The following LRRC45 variants were observed in gnomAD, a reference collection of about 807,000 sequenced individuals.
The protein encoded by LRRC45 is leucine-rich repeat-containing protein 45.
A neutral mutation model predicts 85.4 loss-of-function variants in LRRC45; 73 were observed. The observed-to-expected ratio is 0.85, with a 90% CI of 0.71 to 1.04. LRRC45 has a LOEUF of 1.04. Ranked by LOEUF, LRRC45 falls within the 50% of genes least tolerant of loss-of-function variation. LRRC45 has a pLI of 0.00. For missense variants in LRRC45, 937 were observed against 883.3 expected, an observed-to-expected ratio of 1.06 and a Z score of -0.77; for synonymous variants, 429 against 386.0, an observed-to-expected ratio of 1.11 and a Z score of -1.31.
At position 82,029,416 on chromosome 17, in the gene LRRC45, A is replaced by C. The variant is rs2043397310; in HGVS notation, c.1402-127A>C. ...TGCCCAGCGAGCTAGGTGGCAGAGC[A>C]GCTGCGTGGCCCTCAGGAGGCTGGC... On this transcript the variant is annotated intron_variant, in intron 13 of 16. Transcript: ENST00000306688. 17 of 1,104,802 alleles carry C rather than the reference A, an allele frequency of 1.5e-5. No individual in the cohort carries two copies. The South Asian group carries it at 2.1e-4, about 14-fold the overall frequency. 68.4% of individuals were successfully genotyped at this position (1,104,802 alleles called of 1,614,324 possible).
At chr17:82,029,773 T>C in intron 14 of LRRC45, 138 bp downstream of exon 14, 1 of 881,696 alleles carries the variant, frequency 1.1e-6, no homozygotes, top group East Asian at 2.7e-5. Context: ...CCCTGGACAC[T>C]GGTGGGTCCG....
rs1379055008 is a variant in LRRC45 at position 82,031,045 on chromosome 17, G to A, written c.*240G>A. 2 of 391,490 alleles carry A rather than the reference G, an allele frequency of 5.1e-6. No homozygotes were observed. The highest frequency in any genetic ancestry group is 9.0e-6 in the Non-Finnish European group (2 of 221,932). The allele number at this position is 391,490 out of a possible 1,614,324, so 24.3% of individuals were successfully genotyped here. ...CCACGTGGGAGCACACCGGGAAGGG[G>A]TCCCGCGGGCGCGTCTCCCCCTCGC... On this transcript the variant is annotated 3_prime_UTR_variant, in exon 17 of 17. Transcript: ENST00000306688.
At chr17:82,024,222 G>A in intron 1 of LRRC45, 56 bp from the exon 2 acceptor site, 1 of 1,587,732 alleles carries the variant, frequency 6.3e-7, no homozygotes, top group South Asian at 1.1e-5. Context: ...GGGGCCCACG[G>A]GGAGGGCCTT....
Position 82,030,093 on chromosome 17 carries a change from A to G in LRRC45, c.1523A>G (p.Lys508Arg), listed in dbSNP as rs1052916271. The G allele has an allele frequency of 1.3e-6, 2 of 1,546,652 alleles. No individual in the cohort carries two copies. Among genetic ancestry groups the G allele is most frequent in the African/African-American group, 1.4e-5 (1 of 73,198 alleles). The change falls in exon 15 of 17, where the codon AAG (lysine) becomes AGG (arginine). Residue 508 changes from lysine (K) to arginine (R), a missense_variant. Physicochemically the swap from Lys to Arg is conservative, Grantham distance 26. Transcript: ENST00000306688. ...CAGCGCCTGGCTCACCTGGAGGACAAGCTGAGACTGCTGGCGCAGGCACGG... is the reference window on the plus strand; with the variant it reads ...CAGCGCCTGGCTCACCTGGAGGACAGGCTGAGACTGCTGGCGCAGGCACGG... ...EQQRLAHLED[K>R]LRLLAQARDE...
Position 82,024,295 on chromosome 17 carries a change from C to T in LRRC45, c.238C>T (p.Arg80Ter), listed in dbSNP as rs1193994277. Residue 80 changes from arginine (R) to a stop codon, truncating the protein, a stop_gained, in exon 2 of 17, where the codon CGA becomes TGA. Transcript: ENST00000306688. LOFTEE classifies it high-confidence loss of function. ...TTACACAGGGGCCACACTGCTGCTC[C>T]GAGGCCTGTGTGCCAACACCGTGCT... ...LSEEGATLLL[R>*]GLCANTVLRF... The T allele has an allele frequency of 1.9e-6, 3 of 1,612,218 alleles. No homozygotes were observed. Among genetic ancestry groups the T allele is most frequent in the African/African-American group, 1.3e-5 (1 of 74,912 alleles).
intron 14 of LRRC45, 81 bp from the exon 15 acceptor site, chr17:82,029,984 G>A: frequency 2.1e-6 from 3 of 1,424,970 alleles, no homozygotes; most frequent in Non-Finnish European, 2.8e-6. Context: ...GCAGAGAGGT[G>A]GGGTCGTGCC....
At chr17:82,023,894 G>T (rs2043339618) in intron 1 of LRRC45, 31 bp downstream of exon 1, 5 of 1,531,142 alleles carry the variant, frequency 3.3e-6, no homozygotes, top group Non-Finnish European at 2.6e-6. Flanking sequence ...GGATCCCTCT[G>T]CTCCTTAGCT....
chr17:82,023,431 C>T lies in LRRC45; in HGVS notation c.-213C>T, dbSNP rs2043331097. 1 of 545,784 alleles carries T rather than the reference C, an allele frequency of 1.8e-6. No individual in the cohort carries two copies. Among genetic ancestry groups the T allele is most frequent in the African/African-American group, 2.0e-5 (1 of 49,626 alleles). 33.8% of individuals were successfully genotyped at this position (545,784 alleles called of 1,614,324 possible). A position where few individuals can be genotyped will look rare whatever the true frequency, so the allele number is the denominator to read the frequency against. On this transcript the variant is annotated 5_prime_UTR_variant, in exon 1 of 17. Coordinates refer to ENST00000306688, the MANE Select transcript of LRRC45 (RefSeq NM_144999.4). ...GCTTCCTGCACGGGTGGTCCCCAAGCACTGCGGGGCCCCAGCCCAAAGCGG... is the reference window on the plus strand; with the variant it reads ...GCTTCCTGCACGGGTGGTCCCCAAGTACTGCGGGGCCCCAGCCCAAAGCGG...
At chr17:82,027,049 T>C (rs1172721314) in intron 6 of LRRC45, 38 bp downstream of exon 6, 3 of 1,514,320 alleles carry the variant, frequency 2.0e-6, no homozygotes, top group Non-Finnish European at 2.7e-6. Flanking sequence ...GAGCTGCTTA[T>C]GGCTGGAGGG....
At position 82,030,099 on chromosome 17, in the gene LRRC45, G is replaced by A; in HGVS notation, c.1529G>A (p.Arg510Lys). 1 of 1,546,898 alleles carries A rather than the reference G, an allele frequency of 6.5e-7. No homozygotes were observed. Among genetic ancestry groups the A allele is most frequent in the Non-Finnish European group, 8.7e-7 (1 of 1,147,150 alleles). The change falls in exon 15 of 17, where the codon AGA becomes AAA. Residue 510 changes from arginine (R) to lysine (K), a missense_variant. Coordinates refer to ENST00000306688, the MANE Select transcript of LRRC45 (RefSeq NM_144999.4). Reference protein sequence around the residue: ...QRLAHLEDKLRLLAQARDEAQ... With the variant: ...QRLAHLEDKLKLLAQARDEAQ... ...CTGGCTCACCTGGAGGACAAGCTGA[G>A]ACTGCTGGCGCAGGCACGGGACGAG...
intron 1 of LRRC45, 81 bp from the exon 2 acceptor site, chr17:82,024,197 G>A: frequency 6.6e-7 from 1 of 1,503,980 alleles, no homozygotes; most frequent in East Asian, 2.3e-5. Flanking sequence ...TGGGTCTAGG[G>A]AGCTGCCCTG....
At chr17:82,025,599 TGAG>T (rs1273189254) in intron 5 of LRRC45, 92 bp downstream of exon 5, 21 of 1,409,972 alleles carry the variant, frequency 1.5e-5, no homozygotes, top group Admixed American at 2.5e-5. Context: ...CGGGAACTGA[TGAG>T]GAGAGCAGCC....
Position 82,030,260 on chromosome 17 carries a change from G to T in LRRC45, c.1668+22G>T. On this transcript the variant is annotated intron_variant, in intron 15 of 16. Transcript: ENST00000306688. Reference sequence around the variant, plus strand: ...GCAGGTAGGCGGGGCTCCGGTGGGGGGCCCCGGGCGTGCTAGCCCCCAACC... The same window carrying T: ...GCAGGTAGGCGGGGCTCCGGTGGGGTGCCCCGGGCGTGCTAGCCCCCAACC... 2.0e-6 allele frequency: 3 copies of T among 1,534,688 alleles called. No individual in the cohort carries two copies. In the South Asian group the frequency reaches 3.6e-5, roughly 18 times the overall value.
chr17:82,023,580 C>T lies in LRRC45; in HGVS notation c.-64C>T. The stretch of plus-strand genomic sequence containing the variant: ...TACCCGGCGCTGGGACTGCTCCGCA[C>T]CGCGCGGCTCCCTTTCAGCAGCTGC... On this transcript the variant is annotated 5_prime_UTR_variant, in exon 1 of 17. Transcript: ENST00000306688. The T allele has an allele frequency of 1.4e-6, 2 of 1,416,332 alleles. No homozygotes were observed. The highest frequency in any genetic ancestry group is 1.9e-6 in the Non-Finnish European group (2 of 1,068,184). 87.7% of individuals were successfully genotyped at this position (1,416,332 alleles called of 1,614,324 possible).
chr17:82,023,889 C>A, intron 1 of LRRC45, 26 bp downstream of exon 1: 1 of 1,538,540 alleles, frequency 6.5e-7, no homozygotes. Context: ...GGGGTGGATC[C>A]CTCTGCTCCT....
Position 82,023,408 on chromosome 17 carries a change from T to G in LRRC45, c.-236T>G. ...GGGGGCGCGCGACGCACCTGCCTGCTTCCTGCACGGGTGGTCCCCAAGCAC... is the reference window on the plus strand; with the variant it reads ...GGGGGCGCGCGACGCACCTGCCTGCGTCCTGCACGGGTGGTCCCCAAGCAC... On this transcript the variant is annotated 5_prime_UTR_variant, in exon 1 of 17. Transcript: ENST00000306688. 1.9e-6 allele frequency: 1 copy of G among 514,198 alleles called. No homozygotes were observed. The highest frequency in any genetic ancestry group is 2.8e-5 in the South Asian group (1 of 36,198). 31.9% of individuals were successfully genotyped at this position (514,198 alleles called of 1,614,324 possible).
rs764472284 is a variant in LRRC45, at chr17:82,028,663, G to A, written c.1288G>A (p.Glu430Lys). 6 of 1,612,646 alleles carry A rather than the reference G, an allele frequency of 3.7e-6. No individual in the cohort carries two copies. The highest frequency in any genetic ancestry group is 2.7e-5 in the African/African-American group (2 of 74,930). The change falls in exon 12 of 17, where the codon GAA (glutamate) becomes AAA (lysine). Residue 430 changes from glutamate (E) to lysine (K), a missense_variant. Transcript: ENST00000306688. ...ATGCAGACAGAGCCTGGAGGACTCC[G>A]AAAGCCTGCGCATCAAGGAGGTGCC... Reference protein sequence around the residue: ...RRCRQSLEDSESLRIKEVEHM... With the variant: ...RRCRQSLEDSKSLRIKEVEHM...
chr17:82,027,615 G>A (rs2043379843), intron 7 of LRRC45, 59 bp from the exon 8 acceptor site: 1 of 1,571,862 alleles, frequency 6.4e-7, no homozygotes, highest in Admixed American at 1.8e-5. Context: ...CGAGGCCAGA[G>A]GGGTATGGGA....
chr17:82,024,619 G>C, intron 2 of LRRC45, 74 bp from the exon 3 acceptor site: 1 of 1,477,978 alleles, frequency 6.8e-7, no homozygotes, highest in Non-Finnish European at 9.1e-7. Flanking sequence ...GGCTGACCAA[G>C]GCCCTTGGGG....
Sources: allele counts gnomAD v4.1 joint callset, GRCh38; gene constraint gnomAD v4.1.1; transcripts MANE v1.5; gene names NCBI Gene and HGNC (gene_info 2026-07-23, HGNC 2026-07-21).